Variants in CTTNBP2 observed in about 807,000 individuals in gnomAD.
The protein encoded by CTTNBP2 is cortactin-binding protein 2.
A neutral mutation model predicts 156.9 loss-of-function variants in CTTNBP2; 108 were observed. The ratio of observed to expected loss-of-function variants is 0.69; its 90% CI spans 0.59 to 0.81. CTTNBP2 has a LOEUF of 0.81. CTTNBP2 is among the 30% of genes least tolerant of loss of function. The probability of loss-of-function intolerance (pLI) is 0.00; values close to 1 mark genes in which losing one functional copy is unlikely to be tolerated. For missense variants in CTTNBP2, 1,924 were observed against 2,035.4 expected (o/e 0.95, Z 1.05); for synonymous variants, 767 against 751.8 (o/e 1.02, Z -0.33).
At chr7:117,718,934 C>T (rs967354058) in intron 21 of CTTNBP2, among the ~76,000 whole-genome samples, 2 of 152,216 alleles carry the variant, frequency 1.3e-5, no homozygotes, top group Non-Finnish European at 2.9e-5. Flanking sequence ...CAGTGGCTCA[C>T]GCTTGTAATC....
intron 2 of CTTNBP2, among the ~76,000 whole-genome samples, chr7:117,840,679 T>C (rs1225876074): frequency 6.6e-6 from 1 of 152,244 alleles, no homozygotes; most frequent in Non-Finnish European, 1.5e-5. Context: ...CTATTATCTC[T>C]TCAGGAAGAA....
chr7:117,845,099 T>C (rs1412394499), intron 2 of CTTNBP2, among the ~76,000 whole-genome samples: 1 of 152,044 alleles, frequency 6.6e-6, no homozygotes, highest in Non-Finnish European at 1.5e-5. Context: ...TGCAAGCCTA[T>C]TGGTGTGGGC....
At chr7:117,796,681 A>G (rs1386717594) in intron 3 of CTTNBP2, among the ~76,000 whole-genome samples, 1 of 152,250 alleles carries the variant, frequency 6.6e-6, no homozygotes, top group Admixed American at 6.5e-5. Flanking sequence ...TCATAACACA[A>G]CAGACTATTT....
At chr7:117,715,705 G>A (rs768336676) in intron 22 of CTTNBP2, 7 of 152,190 alleles carry the variant, frequency 4.6e-5, no homozygotes, top group Non-Finnish European at 1.0e-4. Flanking sequence ...GCAGTGAGGA[G>A]TTATATTGTT....
At chr7:117,771,572 G>A (rs1797799735) in intron 8 of CTTNBP2, among the ~76,000 whole-genome samples, 1 of 152,202 alleles carries the variant, frequency 6.6e-6, no homozygotes, top group African/African-American at 2.4e-5. Context: ...AAAGTGCCAT[G>A]TTCAGCTCTG....
intron 14 of CTTNBP2, among the ~76,000 whole-genome samples, chr7:117,739,363 G>C (rs897597369): frequency 1.3e-5 from 2 of 152,070 alleles, no homozygotes; most frequent in African/African-American, 4.8e-5. Context: ...TTTTACCTTC[G>C]GCCAAAAAGT....
intron 2 of CTTNBP2, among the ~76,000 whole-genome samples, 156 bp downstream of exon 2, chr7:117,861,053 G>C (rs1346324417): frequency 6.6e-6 from 1 of 152,184 alleles, no homozygotes; most frequent in East Asian, 1.9e-4. Context: ...GCTTATAAAA[G>C]TTATGGGTTA....
intron 8 of CTTNBP2, among the ~76,000 whole-genome samples, chr7:117,776,420 A>G (rs1240647256): frequency 6.6e-6 from 1 of 152,198 alleles, no homozygotes; most frequent in African/African-American, 2.4e-5. Context: ...TTTGACTAGT[A>G]AATTAAGACC....
chr7:117,814,495 G>A (rs1325409371), intron 2 of CTTNBP2, among the ~76,000 whole-genome samples: 3 of 151,960 alleles, frequency 2.0e-5, no homozygotes, highest in East Asian at 1.9e-4. Flanking sequence ...GCGTGATCAC[G>A]GCTCACTGTA....
At chr7:117,825,628 T>C (rs1204527623) in intron 2 of CTTNBP2, among the ~76,000 whole-genome samples, 1 of 152,032 alleles carries the variant, frequency 6.6e-6, no homozygotes, top group African/African-American at 2.4e-5. Context: ...CAAACTGGAT[T>C]TGGATATAGA....
At position 117,851,866 on chromosome 7, in the gene CTTNBP2, T is replaced by C. The variant is rs888761610; in HGVS notation, c.189+9343A>G. On this transcript the variant is annotated intron_variant, in intron 2 of 22. Coordinates refer to ENST00000160373, the MANE Select transcript of CTTNBP2 (RefSeq NM_033427.3). ...CTCCAGAAGGAAGCCCAATACACTTTTGAGACTTTTTTATGAAAAATGTAT... is the reference window on the plus strand; with the variant it reads ...CTCCAGAAGGAAGCCCAATACACTTCTGAGACTTTTTTATGAAAAATGTAT... Among the ~76,000 whole-genome samples, 7 of 152,168 alleles carry C rather than the reference T, an allele frequency of 4.6e-5. No individual in the cohort carries two copies. In the South Asian group the frequency reaches 1.4e-3, roughly 31 times the overall value.
At chr7:117,773,737 T>C (rs992718876) in intron 8 of CTTNBP2, among the ~76,000 whole-genome samples, 6 of 121,502 alleles carry the variant, frequency 4.9e-5, no homozygotes, top group Admixed American at 4.2e-4. Context: ...GAAAAACAAA[T>C]AGAAAGCCTG....
At chr7:117,857,214 G>T (rs952022148) in intron 2 of CTTNBP2, among the ~76,000 whole-genome samples, 2 of 152,138 alleles carry the variant, frequency 1.3e-5, no homozygotes, top group Admixed American at 1.3e-4. Flanking sequence ...ATTCCCATGA[G>T]AATCAATTAA....
At chr7:117,775,981 A>G (rs1798076690) in intron 8 of CTTNBP2, among the ~76,000 whole-genome samples, 1 of 152,188 alleles carries the variant, frequency 6.6e-6, no homozygotes, top group African/African-American at 2.4e-5. Context: ...GTAAAACACC[A>G]AAGTCCAAGA....
chr7:117,718,415 T>G (rs1794583712), intron 21 of CTTNBP2, among the ~76,000 whole-genome samples: 1 of 152,182 alleles, frequency 6.6e-6, no homozygotes. Flanking sequence ...GGATATAAAA[T>G]TTGCAAGATT....
intron 2 of CTTNBP2, among the ~76,000 whole-genome samples, chr7:117,850,250 T>G (rs2117186748): frequency 6.6e-6 from 1 of 152,302 alleles, no homozygotes; most frequent in East Asian, 1.9e-4. Context: ...AGACTCTAAG[T>G]GCATGCCTGA....
At chr7:117,862,313 G>A (rs1803814994) in intron 1 of CTTNBP2, among the ~76,000 whole-genome samples, 1 of 151,872 alleles carries the variant, frequency 6.6e-6, no homozygotes, top group African/African-American at 2.4e-5. Flanking sequence ...GGTGTGGGGT[G>A]GGGTGGGGGG....
intron 3 of CTTNBP2, among the ~76,000 whole-genome samples, chr7:117,805,330 T>C (rs1188098137): frequency 1.3e-5 from 2 of 152,090 alleles, no homozygotes; most frequent in Admixed American, 6.6e-5. Context: ...ATACAGTACA[T>C]ATAGGAAGCC....
rs779199947 is a variant in CTTNBP2 at position 117,757,828 on chromosome 7, T to G, written c.3268+47A>C. On this transcript the variant is annotated intron_variant, in intron 11 of 22. Coordinates refer to ENST00000160373, the MANE Select transcript of CTTNBP2 (RefSeq NM_033427.3). The stretch of plus-strand genomic sequence containing the variant: ...AAGAACTGGTGCTCTGAGGCAGCCA[T>G]GAAGCAAACACTCTTTAAACGTCAC... 3.8e-6 allele frequency: 5 copies of G among 1,305,010 alleles called. No homozygotes were observed. In the Admixed American group the frequency reaches 1.1e-4, roughly 30 times the overall value. The allele number at this position is 1,305,010 out of a possible 1,614,324, so 80.8% of individuals were successfully genotyped here.
Sources: allele counts gnomAD v4.1 joint callset (sites outside exome capture counted in the v4.1 genomes callset), GRCh38; gene constraint gnomAD v4.1.1; transcripts MANE v1.5; gene names NCBI Gene and HGNC (gene_info 2026-07-23, HGNC 2026-07-21).